The following NOVA1 variants were observed in gnomAD, a reference collection of about 807,000 sequenced individuals.
NOVA1 encodes the protein NOVA alternative splicing regulator 1.
In NOVA1, 7 loss-of-function variants were observed where a neutral mutation model predicts 38.0. The ratio of observed to expected loss-of-function variants is 0.18; its 90% CI spans 0.10 to 0.35. The LOEUF is 0.35. NOVA1 is among the 10% of genes least tolerant of loss of function. The pLI is 1.00. For missense variants in NOVA1, 460 were observed against 616.0 expected (o/e 0.75, Z 2.68); for synonymous variants, 270 against 232.5 (o/e 1.16, Z -1.47).
chr14:26,593,880 G>A (rs1245998409), intron 2 of NOVA1: 2 of 151,752 alleles, frequency 1.3e-5, no homozygotes, highest in Non-Finnish European at 3.0e-5. Context: ...ACCACCTCAT[G>A]TATAATGCAA....
chr14:26,489,347 G>C (rs1234813288), intron 2 of NOVA1, among the ~76,000 whole-genome samples: 1 of 151,952 alleles, frequency 6.6e-6, no homozygotes, highest in African/African-American at 2.4e-5. Flanking sequence ...AATAATCAAT[G>C]AATATCATAT....
rs545029250 is a variant in NOVA1, at chr14:26,530,043, C to T, written c.281-49900G>A. On this transcript the variant is annotated intron_variant, in intron 2 of 4. Transcript: ENST00000539517. Reference sequence around the variant, plus strand: ...CACGCCATTCTCCTGCCTCAGCCTCCCGAGTAGCTGGGACTACAAGCACCC... The same window carrying T: ...CACGCCATTCTCCTGCCTCAGCCTCTCGAGTAGCTGGGACTACAAGCACCC... Among the ~76,000 whole-genome samples, 7 of 152,220 alleles carry T rather than the reference C, an allele frequency of 4.6e-5. No individual in the cohort carries two copies. The South Asian group carries it at 1.0e-3, about 23-fold the overall frequency.
At chr14:26,485,531 C>T (rs967942131) in intron 2 of NOVA1, among the ~76,000 whole-genome samples, 1 of 151,954 alleles carries the variant, frequency 6.6e-6, no homozygotes, top group East Asian at 1.9e-4. Flanking sequence ...ATGAACTCTA[C>T]CTAAAATAAT....
At chr14:26,557,947 A>C (rs1429427945) in intron 2 of NOVA1, among the ~76,000 whole-genome samples, 1 of 151,950 alleles carries the variant, frequency 6.6e-6, no homozygotes, top group East Asian at 1.9e-4. Context: ...GACATGAGCT[A>C]ACATGCCATA....
At chr14:26,579,494 TCA>T (rs1033099334) in intron 2 of NOVA1, among the ~76,000 whole-genome samples, 21 of 152,200 alleles carry the variant, frequency 1.4e-4, no homozygotes, top group Non-Finnish European at 3.1e-4. Context: ...GTCCTCCAGG[TCA>T]CAGTCACGCA....
chr14:26,576,568 A>G (rs988356536), intron 2 of NOVA1, among the ~76,000 whole-genome samples: 3 of 151,850 alleles, frequency 2.0e-5, no homozygotes, highest in African/African-American at 7.2e-5. Flanking sequence ...TAAATGGTTC[A>G]ATATATATTT....
At chr14:26,541,430 T>A (rs970451466) in intron 2 of NOVA1, among the ~76,000 whole-genome samples, 3 of 151,400 alleles carry the variant, frequency 2.0e-5, no homozygotes, top group South Asian at 2.1e-4. Flanking sequence ...AATCTTACAA[T>A]TCAAAAACAG....
intron 2 of NOVA1, among the ~76,000 whole-genome samples, chr14:26,505,153 G>C (rs1202814424): frequency 1.3e-5 from 2 of 152,102 alleles, no homozygotes; most frequent in Non-Finnish European, 2.9e-5. Flanking sequence ...CATATGTAAA[G>C]GAAGCAACAT....
chr14:26,505,023 A>C (rs970610854), intron 2 of NOVA1, among the ~76,000 whole-genome samples: 1 of 52,700 alleles, frequency 1.9e-5, no homozygotes, highest in Non-Finnish European at 4.1e-5. Flanking sequence ...CTAGCTAGCC[A>C]TACTCAGGTA....
chr14:26,501,200 A>C (rs2138406342), intron 2 of NOVA1, among the ~76,000 whole-genome samples: 1 of 152,158 alleles, frequency 6.6e-6, no homozygotes, highest in Middle Eastern at 3.4e-3. Flanking sequence ...AGATGTTAAA[A>C]AGAAAAAGAA....
intron 2 of NOVA1, among the ~76,000 whole-genome samples, chr14:26,571,697 G>A (rs1253306882): frequency 6.6e-6 from 1 of 152,198 alleles, no homozygotes; most frequent in Non-Finnish European, 1.5e-5. Context: ...CATCACAGAT[G>A]TAAAGCATGC....
At chr14:26,570,841 C>T (rs373614497) in intron 2 of NOVA1, among the ~76,000 whole-genome samples, 1 of 152,052 alleles carries the variant, frequency 6.6e-6, no homozygotes, top group African/African-American at 2.4e-5. Flanking sequence ...TCCAAACCAA[C>T]CTTTACTCTA....
intron 2 of NOVA1, among the ~76,000 whole-genome samples, chr14:26,493,219 T>C (rs1594395862): frequency 6.6e-6 from 1 of 152,164 alleles, no homozygotes; most frequent in Non-Finnish European, 1.5e-5. Flanking sequence ...CATGTGAAAA[T>C]AGATAATACA....
At chr14:26,468,736 T>C (rs1451543571) in intron 4 of NOVA1, among the ~76,000 whole-genome samples, 2 of 152,200 alleles carry the variant, frequency 1.3e-5, no homozygotes, top group African/African-American at 2.4e-5. Flanking sequence ...TCTGCAACCA[T>C]AGTAAGGGTA....
chr14:26,460,490 G>A (rs1883565321), intron 4 of NOVA1, among the ~76,000 whole-genome samples: 1 of 151,744 alleles, frequency 6.6e-6, no homozygotes, highest in Non-Finnish European at 1.5e-5. Flanking sequence ...TTTGAAGCCA[G>A]GTAATAAAAA....
chr14:26,469,693 A>G (rs1022121885), intron 4 of NOVA1, among the ~76,000 whole-genome samples: 1 of 152,018 alleles, frequency 6.6e-6, no homozygotes, highest in Admixed American at 6.6e-5. Context: ...GGCCTCAGGC[A>G]CTCCTTCCGC....
chr14:26,540,218 C>A (rs2138593312), intron 2 of NOVA1, among the ~76,000 whole-genome samples: 1 of 152,320 alleles, frequency 6.6e-6, no homozygotes, highest in Non-Finnish European at 1.5e-5. Context: ...AAGCATTAAG[C>A]ATTACCACCT....
At chr14:26,566,787 G>C (rs1892159034) in intron 2 of NOVA1, among the ~76,000 whole-genome samples, 2 of 152,160 alleles carry the variant, frequency 1.3e-5, no homozygotes, top group Admixed American at 6.5e-5. Flanking sequence ...AAAAACGGAA[G>C]TCATCATTAT....
At chr14:26,591,606 T>C (rs1371081374) in intron 2 of NOVA1, among the ~76,000 whole-genome samples, 1 of 151,702 alleles carries the variant, frequency 6.6e-6, no homozygotes, top group East Asian at 1.9e-4. Flanking sequence ...CCTTCAATGA[T>C]GTAAACAGAA....
Sources: allele counts gnomAD v4.1 joint callset (sites outside exome capture counted in the v4.1 genomes callset), GRCh38; gene constraint gnomAD v4.1.1; transcripts MANE v1.5; gene names NCBI Gene and HGNC (gene_info 2026-07-23, HGNC 2026-07-21).